SMC5: variants seen among roughly 807,000 people sequenced by gnomAD.
The protein encoded by SMC5 is structural maintenance of chromosomes protein 5.
Under a neutral mutation model 148.3 loss-of-function variants are expected in SMC5, and 88 were observed. That is an observed-to-expected ratio of 0.59 (90% CI 0.50 to 0.71). The LOEUF (loss-of-function observed/expected upper bound fraction) is 0.71, where lower values mean the gene tolerates loss of function less well. Among genes scored for constraint, SMC5 ranks in the 30% least tolerant of loss-of-function variants. The probability of loss-of-function intolerance (pLI) is 0.00; values close to 1 mark genes in which losing one functional copy is unlikely to be tolerated. For missense variants in SMC5, 1,142 were observed against 1,298.9 expected (o/e 0.88, Z 1.86); for synonymous variants, 421 against 432.8 (o/e 0.97, Z 0.34).
chr9:70,284,632 T>C (rs2034848461), intron 7 of SMC5, among the ~76,000 whole-genome samples: 1 of 152,228 alleles, frequency 6.6e-6, no homozygotes, highest in South Asian at 2.1e-4. Context: ...GAAGCCCAGC[T>C]ATTGTTATAT....
chr9:70,261,108 G>C (rs912458268), intron 1 of SMC5, among the ~76,000 whole-genome samples: 1 of 152,172 alleles, frequency 6.6e-6, no homozygotes, highest in Admixed American at 6.5e-5. Flanking sequence ...AAATAGTTTG[G>C]TATATTTAGA....
At chr9:70,303,546 T>G (rs1297175635) in intron 10 of SMC5, among the ~76,000 whole-genome samples, 1 of 152,214 alleles carries the variant, frequency 6.6e-6, no homozygotes, top group African/African-American at 2.4e-5. Context: ...TTTCTCATTT[T>G]TCTATACTGA....
At chr9:70,319,832 A>T (rs900242402) in intron 15 of SMC5, among the ~76,000 whole-genome samples, 1 of 152,214 alleles carries the variant, frequency 6.6e-6, no homozygotes, top group African/African-American at 2.4e-5. Context: ...ATATTTTATT[A>T]TGTAATATTT....
chr9:70,325,591 G>C (rs1209622332), intron 17 of SMC5, among the ~76,000 whole-genome samples: 2 of 152,102 alleles, frequency 1.3e-5, no homozygotes, highest in East Asian at 1.9e-4. Flanking sequence ...CTCCTTTGCA[G>C]AACAAAACTT....
chr9:70,273,928 T>A (rs1412103090), intron 3 of SMC5, among the ~76,000 whole-genome samples: 2 of 152,234 alleles, frequency 1.3e-5, no homozygotes, highest in Non-Finnish European at 2.9e-5. Flanking sequence ...TTATTAGTTA[T>A]ATTGTCAAAT....
At chr9:70,302,674 GAATA>G (rs1320216314) in intron 10 of SMC5, among the ~76,000 whole-genome samples, 4 of 151,766 alleles carry the variant, frequency 2.6e-5, no homozygotes, top group Non-Finnish European at 4.4e-5. Context: ...CATCTTATAA[GAATA>G]AATAAATAAA....
Position 70,277,452 on chromosome 9 carries a change from C to T in SMC5, c.523C>T (p.Leu175Phe). 6.3e-7 allele frequency: 1 copy of T among 1,590,338 alleles called. No homozygotes were observed. Among genetic ancestry groups the T allele is most frequent in the Non-Finnish European group, 8.5e-7 (1 of 1,171,016 alleles). ...AGCCTTAAATATTCAAGTGGGGAAT[C>T]TTTGCCAGTTTCTCCCTCAGGTATG... ...VAALNIQVGN[L>F]CQFLPQDKVG... is the part of the protein sequence containing the mutation. The change falls in exon 4 of 25, where the codon CTT becomes TTT. Residue 175 changes from leucine to phenylalanine, a missense_variant. Physicochemically the swap from Leu to Phe is conservative, Grantham distance 22. Transcript: ENST00000361138.
intron 15 of SMC5, among the ~76,000 whole-genome samples, chr9:70,321,456 G>A (rs1354688308): frequency 6.8e-6 from 1 of 147,324 alleles, no homozygotes; most frequent in South Asian, 2.1e-4. Context: ...GCAGTGGCAT[G>A]CTCACAGCTC....
At chr9:70,280,463 A>G (rs1257043578) in intron 5 of SMC5, among the ~76,000 whole-genome samples, 1 of 152,214 alleles carries the variant, frequency 6.6e-6, no homozygotes, top group African/African-American at 2.4e-5. Flanking sequence ...GATGCAGCAG[A>G]TATTTGGGCA....
intron 2 of SMC5, 97 bp from the exon 3 acceptor site, chr9:70,267,826 A>G: frequency 8.7e-7 from 1 of 1,148,922 alleles, no homozygotes; most frequent in African/African-American, 1.5e-5. Flanking sequence ...GTACCTGAAA[A>G]AAATCTTGAT....
At chr9:70,336,950 CAAG>C (rs2036373722) in intron 17 of SMC5, among the ~76,000 whole-genome samples, 2 of 152,184 alleles carry the variant, frequency 1.3e-5, no homozygotes, top group East Asian at 1.9e-4. Context: ...TGGCGGAAGA[CAAG>C]GAGGAGCAAG....
At chr9:70,343,388 A>G (rs374587950) in intron 17 of SMC5, among the ~76,000 whole-genome samples, 3 of 152,328 alleles carry the variant, frequency 2.0e-5, no homozygotes, top group African/African-American at 7.2e-5. Context: ...AGGAATAAAT[A>G]GGTCCATGAA....
intron 10 of SMC5, among the ~76,000 whole-genome samples, chr9:70,304,091 A>G (rs567521364): frequency 2.6e-5 from 4 of 152,020 alleles, no homozygotes; most frequent in Non-Finnish European, 5.9e-5. Flanking sequence ...TCATATTTTT[A>G]CTTTATTTTA....
At position 70,278,531 on chromosome 9, in the gene SMC5, T is replaced by G; in HGVS notation, c.584T>G (p.Leu195Arg). ...TTTGCTAAACTCAGCAAAATTGAAC[T>G]CCTCGAAGCCACTGAAAAGTCAATT... ...GEFAKLSKIE[L>R]LEATEKSIGP... Residue 195 changes from leucine to arginine, a missense_variant, in exon 5 of 25, where the codon CTC (leucine) becomes CGC (arginine). This residue lies in a region of SMC5 where 297 missense variants were observed against 302.6 expected (regional missense o/e 0.98). Coordinates refer to ENST00000361138, the MANE Select transcript of SMC5 (RefSeq NM_015110.4). 1.2e-6 allele frequency: 2 copies of G among 1,609,806 alleles called. No individual in the cohort carries two copies. Among genetic ancestry groups the G allele is most frequent in the Non-Finnish European group, 1.7e-6 (2 of 1,178,892 alleles).
At chr9:70,334,885 A>T (rs1439290451) in intron 17 of SMC5, among the ~76,000 whole-genome samples, 1 of 152,164 alleles carries the variant, frequency 6.6e-6, no homozygotes, top group Non-Finnish European at 1.5e-5. Context: ...AGCAAAGAAA[A>T]AGTATATATA....
chr9:70,293,962 C>T (rs1481197372), intron 8 of SMC5, among the ~76,000 whole-genome samples: 3 of 152,110 alleles, frequency 2.0e-5, no homozygotes, highest in Non-Finnish European at 2.9e-5. Context: ...AATGGTCCTT[C>T]GTGAAAAATT....
At position 70,315,439 on chromosome 9, in the gene SMC5, C is replaced by T; in HGVS notation, c.1674-7C>T. The T allele has an allele frequency of 1.3e-6, 2 of 1,547,156 alleles. No homozygotes were observed. Among genetic ancestry groups the T allele is most frequent in the South Asian group, 1.3e-5 (1 of 78,780 alleles). On this transcript the variant is annotated splice_region_variant and splice_polypyrimidine_tract_variant and intron_variant, in intron 12 of 24. Transcript: ENST00000361138. ...AAGAAAAATCTAATCAATACTTTTC[C>T]TTTCAGACAATACGGATTTTTCTCT...
intron 1 of SMC5, among the ~76,000 whole-genome samples, chr9:70,261,983 CG>C: frequency 6.6e-6 from 1 of 152,126 alleles, no homozygotes; most frequent in East Asian, 1.9e-4. Flanking sequence ...CTTTGCAGGC[CG>C]GATGCAAAGA....
In SMC5 at chr9:70,276,070, G is replaced by A. The variant is rs73647451; in HGVS notation, c.381-1240G>A. 8.2e-3 allele frequency among the ~76,000 whole-genome samples: 1,250 copies of A among 152,266 alleles called. 17 individuals are homozygous for A. Among genetic ancestry groups the A allele is most frequent in the African/African-American group, 0.029 (1,205 of 41,536 alleles). On this transcript the variant is annotated intron_variant, in intron 3 of 24. Transcript: ENST00000361138. ...TTCTTTTAAGATAACATAGATTCCGGCAGAGGAAATTATTAACTTCTGCCA... is the reference window on the plus strand; with the variant it reads ...TTCTTTTAAGATAACATAGATTCCGACAGAGGAAATTATTAACTTCTGCCA...
Sources: gnomAD v4.1 joint callset for allele counts (sites outside exome capture counted in the v4.1 genomes callset) on GRCh38, gnomAD v4.1.1 for gene constraint, gnomAD v4.1.1 regional missense constraint, MANE v1.5 for transcripts, NCBI Gene and HGNC (gene_info 2026-07-23, HGNC 2026-07-21) for gene names.